The following AHCTF1 variants were observed in gnomAD, a reference collection of about 807,000 sequenced individuals.
AHCTF1 encodes protein ELYS.
A neutral mutation model predicts 248.4 loss-of-function variants in AHCTF1; 24 were observed. The ratio of observed to expected loss-of-function variants is 0.10; its 90% CI spans 0.07 to 0.14. The LOEUF is 0.14. Ranked by LOEUF, AHCTF1 falls within the 10% of genes least tolerant of loss-of-function variation. The pLI is 1.00. For missense variants in AHCTF1, 2,206 were observed against 2,636.2 expected, an observed-to-expected ratio of 0.84 and a Z score of 3.57; for synonymous variants, 786 against 929.8, an observed-to-expected ratio of 0.85 and a Z score of 2.81.
At chr1:246,857,204 T>G (rs958789719) in intron 30 of AHCTF1, among the ~76,000 whole-genome samples, 2 of 152,244 alleles carry the variant, frequency 1.3e-5, no homozygotes, top group Non-Finnish European at 2.9e-5. Flanking sequence ...TGACCATACT[T>G]TGAATACGTC....
chr1:246,900,012 A>C, intron 10 of AHCTF1, 53 bp downstream of exon 10: 1 of 1,495,904 alleles, frequency 6.7e-7, no homozygotes, highest in South Asian at 1.2e-5. Flanking sequence ...GTATACATTT[A>C]CATACTTTTG....
At position 246,931,366 on chromosome 1, in the gene AHCTF1, C is replaced by G. The variant is rs1194718412; in HGVS notation, c.-8+212G>C. On this transcript the variant is annotated intron_variant, in intron 1 of 35. Transcript: ENST00000648844. ...TCCGGTCCGAGATTATGTAACGAAGCCCGGCGCCCGCGAGCCTGCCGTACC... is the reference window on the plus strand; with the variant it reads ...TCCGGTCCGAGATTATGTAACGAAGGCCGGCGCCCGCGAGCCTGCCGTACC... 3.3e-6 allele frequency: 5 copies of G among 1,523,624 alleles called. No homozygotes were observed. The East Asian group carries it at 7.4e-5, about 23-fold the overall frequency. The allele number at this position is 1,523,624 out of a possible 1,614,324, so 94.4% of individuals were successfully genotyped here.
At chr1:246,864,949 G>C (rs1661858782) in intron 26 of AHCTF1, among the ~76,000 whole-genome samples, 1 of 149,496 alleles carries the variant, frequency 6.7e-6, no homozygotes, top group Non-Finnish European at 1.5e-5. Context: ...TCAAGTCAAT[G>C]AGTTTGGTGA....
chr1:246,903,725 G>C (rs1665177742), intron 7 of AHCTF1, among the ~76,000 whole-genome samples: 1 of 148,682 alleles, frequency 6.7e-6, no homozygotes, highest in African/African-American at 2.5e-5. Context: ...TGTAATCCCA[G>C]CTACTCCAGA....
At chr1:246,887,075 TACTGATTAA>T in intron 20 of AHCTF1, 127 bp downstream of exon 20, 2 of 914,542 alleles carry the variant, frequency 2.2e-6, no homozygotes, top group South Asian at 4.0e-5. Flanking sequence ...TTGGTAAAGG[TACTGATTAA>T]ACTGGGTCCT....
At chr1:246,897,925 G>A (rs923276571) in intron 12 of AHCTF1, among the ~76,000 whole-genome samples, 5 of 81,856 alleles carry the variant, frequency 6.1e-5, no homozygotes, top group Non-Finnish European at 1.0e-4. Flanking sequence ...GCTACAGTGA[G>A]CCATGACCAT....
At chr1:246,929,012 T>C (rs2642976) in intron 1 of AHCTF1, among the ~76,000 whole-genome samples, 39,739 of 152,100 alleles carry the variant, frequency 0.26, 6,248 homozygotes, top group African/African-American at 0.44. Flanking sequence ...AAAGGAGATA[T>C]ATAGTCAATT....
intron 33 of AHCTF1, among the ~76,000 whole-genome samples, chr1:246,844,564 A>T (rs952217714): frequency 2.6e-5 from 4 of 152,162 alleles, no homozygotes; most frequent in East Asian, 1.9e-4. Context: ...TCTACAAAAA[A>T]TTTTTAAAAG....
At chr1:246,915,387 G>C (rs1047278730) in intron 3 of AHCTF1, among the ~76,000 whole-genome samples, 2 of 151,848 alleles carry the variant, frequency 1.3e-5, no homozygotes, top group African/African-American at 4.8e-5. Flanking sequence ...TTACAAATAA[G>C]GCCATTCACA....
Position 246,850,593 on chromosome 1 carries a change from T to C in AHCTF1, c.5413A>G (p.Asn1805Asp). ...GLSQNQQIPQ[N>D]SVTPRRGRRK... ...CTTCCTCTCCTAGGCGTAACAGAAT[T>C]TTGAGGTATTTGCTGGTTCTGAGAT... Residue 1805 changes from asparagine (N) to aspartate (D), a missense_variant, in exon 33 of 36, where the codon AAT becomes GAT. Around this residue, in one of 6 missense-constraint regions of AHCTF1, gnomAD observed 955 missense variants for 1,055.6 expected, o/e 0.90. Coordinates refer to ENST00000648844, the MANE Select transcript of AHCTF1 (RefSeq NM_001323342.2). 1 of 1,613,244 alleles carries C rather than the reference T, an allele frequency of 6.2e-7. No individual in the cohort carries two copies. Among genetic ancestry groups the C allele is most frequent in the Non-Finnish European group, 8.5e-7 (1 of 1,179,634 alleles).
intron 24 of AHCTF1, among the ~76,000 whole-genome samples, chr1:246,875,061 A>T (rs1232310493): frequency 6.6e-6 from 1 of 152,202 alleles, no homozygotes; most frequent in African/African-American, 2.4e-5. Flanking sequence ...GATAAACCAG[A>T]ATGAACTTTC....
chr1:246,931,129 T>C (rs1667324451), intron 1 of AHCTF1: 13 of 1,549,468 alleles, frequency 8.4e-6, no homozygotes, highest in South Asian at 2.4e-5. Context: ...GACTACTCAC[T>C]GTGGCCAGGC....
intron 21 of AHCTF1, among the ~76,000 whole-genome samples, chr1:246,880,151 C>T (rs1338958740): frequency 6.6e-6 from 1 of 151,968 alleles, no homozygotes; most frequent in African/African-American, 2.4e-5. Context: ...TGGGAATTCA[C>T]TGTGTCATCA....
In AHCTF1 at chr1:246,918,481, G is replaced by C. The variant is rs552214636; in HGVS notation, c.-7-104C>G. 4.1e-5 allele frequency: 47 copies of C among 1,154,178 alleles called. 1 individual carries two copies. The South Asian group carries it at 7.4e-4, about 18-fold the overall frequency. 71.5% of individuals were successfully genotyped at this position (1,154,178 alleles called of 1,614,324 possible). ...CAGTAAAAGCCACCAACAAAATAAA[G>C]AAAAACTAAAATCTGGTTACAAAAT... On this transcript the variant is annotated intron_variant, in intron 1 of 35. Coordinates refer to ENST00000648844, the MANE Select transcript of AHCTF1 (RefSeq NM_001323342.2).
chr1:246,840,244 G>GTAGAT lies in AHCTF1; in HGVS notation c.*557_*561dup, dbSNP rs1488682582. The GTAGAT allele has an allele frequency of 6.6e-6, 1 of 152,556 alleles. No homozygotes were observed. Among genetic ancestry groups the GTAGAT allele is most frequent in the Non-Finnish European group, 1.5e-5 (1 of 68,040 alleles). 9.5% of individuals were successfully genotyped at this position (152,556 alleles called of 1,614,324 possible). ...CCAATACTTGGATTATTCATTTGAG[G>GTAGAT]TAGATTACACAAAATTTGTGAAACT... On this transcript the variant is annotated 3_prime_UTR_variant, in exon 36 of 36. Transcript: ENST00000648844.
In AHCTF1 at chr1:246,853,142, T is replaced by C; in HGVS notation, c.4512A>G (p.Pro1504=). Residue 1504 remains proline, a synonymous_variant, in exon 32 of 36, where the codon CCA becomes CCG. Transcript: ENST00000648844. ...TGTCAGAAATTGGAAGCTTTTCTTC[T>C]GGTAAGTCAACACTTTCTTTTAGTA... ...VGVLKESVDL[P]EEKLPISDSP... The C allele has an allele frequency of 6.2e-7, 1 of 1,611,422 alleles. No individual in the cohort carries two copies.
chr1:246,919,991 A>T (rs1050065572), intron 1 of AHCTF1, among the ~76,000 whole-genome samples: 42 of 150,748 alleles, frequency 2.8e-4, no homozygotes, highest in Non-Finnish European at 4.7e-4. Flanking sequence ...ATACAAAAAT[A>T]AATTAGCCGG....
At chr1:246,898,101 AC>A in intron 12 of AHCTF1, 106 bp downstream of exon 12, 2 of 1,477,024 alleles carry the variant, frequency 1.4e-6, no homozygotes, top group South Asian at 2.4e-5. Flanking sequence ...TCAGCATTAC[AC>A]TACTTCACCT....
At chr1:246,929,818 C>T (rs1444890118) in intron 1 of AHCTF1, among the ~76,000 whole-genome samples, 2 of 152,202 alleles carry the variant, frequency 1.3e-5, no homozygotes, top group Admixed American at 6.5e-5. Flanking sequence ...CTCTGGGAGG[C>T]CAAGGCGGGC....
Sources: allele counts gnomAD v4.1 joint callset (sites outside exome capture counted in the v4.1 genomes callset), GRCh38; gene constraint gnomAD v4.1.1; regional missense constraint gnomAD v4.1.1; transcripts MANE v1.5; gene names NCBI Gene and HGNC (gene_info 2026-07-23, HGNC 2026-07-21).